ERBIN: variants seen among roughly 807,000 people sequenced by gnomAD.
The protein encoded by ERBIN is erbb2 interacting protein.
ERBIN carries 60 observed loss-of-function variants against 158.4 expected under a neutral mutation model. The observed-to-expected ratio is 0.38, with a 90% CI of 0.31 to 0.47. ERBIN has a LOEUF of 0.47. ERBIN is among the 20% of genes least tolerant of loss of function. The pLI, the probability that ERBIN is intolerant of heterozygous loss-of-function variation, is 0.99. For missense variants in ERBIN, 1,610 were observed against 1,648.0 expected, an observed-to-expected ratio of 0.98 and a Z score of 0.40; for synonymous variants, 594 against 557.2, an observed-to-expected ratio of 1.07 and a Z score of -0.93.
intron 1 of ERBIN, among the ~76,000 whole-genome samples, chr5:65,965,847 C>T (rs936624841): frequency 1.3e-5 from 2 of 152,094 alleles, no homozygotes; most frequent in Non-Finnish European, 2.9e-5. Flanking sequence ...TTTTTTCCTT[C>T]TTGGAATGTA....
rs766481411 is a variant in ERBIN at position 66,080,808 on chromosome 5, T to G, written c.*2278T>G. ...AGTATTATAAATGCAACAGATGTTA[T>G]ATGCACTGGCATTTTATCCTACTCT... On this transcript the variant is annotated 3_prime_UTR_variant, in exon 26 of 26. Transcript: ENST00000284037. 6.6e-6 allele frequency: 1 copy of G among 152,094 alleles called. No individual in the cohort carries two copies. 9.4% of individuals were successfully genotyped at this position (152,094 alleles called of 1,614,324 possible).
intron 1 of ERBIN, among the ~76,000 whole-genome samples, chr5:65,971,737 T>G (rs1418821380): frequency 3.3e-5 from 5 of 152,222 alleles, no homozygotes; most frequent in Non-Finnish European, 5.9e-5. Context: ...GATTATGGCT[T>G]CAGATGTTAC....
chr5:65,988,323 T>C (rs1026820440), intron 1 of ERBIN, among the ~76,000 whole-genome samples: 1 of 151,680 alleles, frequency 6.6e-6, no homozygotes, highest in Non-Finnish European at 1.5e-5. Context: ...CAGTCAGTCA[T>C]GTTTGTGCCA....
chr5:65,949,349 T>C (rs1417479494), intron 1 of ERBIN, among the ~76,000 whole-genome samples: 2 of 152,088 alleles, frequency 1.3e-5, no homozygotes, highest in African/African-American at 4.8e-5. Flanking sequence ...AAATACTGAG[T>C]CCCAGTCCCA....
At chr5:66,074,949 C>T (rs1761853917) in intron 22 of ERBIN, 75 bp from the exon 23 acceptor site, 3 of 1,352,074 alleles carry the variant, frequency 2.2e-6, no homozygotes. Flanking sequence ...TTTTGTAATG[C>T]TCCAAGAAGA....
chr5:66,050,148 A>AAAGT (rs1477159689), intron 19 of ERBIN, among the ~76,000 whole-genome samples: 4 of 151,976 alleles, frequency 2.6e-5, no homozygotes, highest in Non-Finnish European at 5.9e-5. Flanking sequence ...AAATGGGTGA[A>AAAGT]AAGTATATTC....
At chr5:65,945,918 T>C (rs1361089628) in intron 1 of ERBIN, among the ~76,000 whole-genome samples, 1 of 152,218 alleles carries the variant, frequency 6.6e-6, no homozygotes, top group Non-Finnish European at 1.5e-5. Context: ...ACAACCAGGA[T>C]ATTGGAATTT....
At chr5:66,051,699 C>T (rs1438524555) in intron 20 of ERBIN, among the ~76,000 whole-genome samples, 2 of 151,788 alleles carry the variant, frequency 1.3e-5, no homozygotes, top group African/African-American at 4.8e-5. Context: ...CGAGACCAGC[C>T]TTGGCAACAT....
intron 1 of ERBIN, among the ~76,000 whole-genome samples, chr5:65,976,906 A>G (rs1199526005): frequency 1.3e-5 from 2 of 151,536 alleles, no homozygotes; most frequent in Admixed American, 6.6e-5. Flanking sequence ...AAAGTCTCCC[A>G]TGTCTACCTC....
intron 1 of ERBIN, among the ~76,000 whole-genome samples, chr5:65,983,370 C>G (rs914543445): frequency 6.6e-6 from 1 of 152,098 alleles, no homozygotes; most frequent in African/African-American, 2.4e-5. Flanking sequence ...TATAAATGCT[C>G]TTACACAGCG....
intron 14 of ERBIN, among the ~76,000 whole-genome samples, chr5:66,032,258 A>AT (rs1042734952): frequency 3.9e-5 from 6 of 152,266 alleles, no homozygotes; most frequent in African/African-American, 1.2e-4. Flanking sequence ...GGCAAATAAG[A>AT]TTTTTTAAAA....
chr5:66,028,247 AT>A (rs1274301963), intron 13 of ERBIN, 26 bp from the exon 14 acceptor site: 1 of 1,557,526 alleles, frequency 6.4e-7, no homozygotes, highest in Non-Finnish European at 8.8e-7. Context: ...TTAAAGTTTA[AT>A]TTTTGTTTGT....
intron 17 of ERBIN, among the ~76,000 whole-genome samples, chr5:66,044,930 A>G (rs1758277847): frequency 6.6e-6 from 1 of 152,098 alleles, no homozygotes; most frequent in South Asian, 2.1e-4. Context: ...AAAAAAAAAA[A>G]TTAGCTGGGC....
At chr5:65,929,030 A>G (rs1743029848) in intron 1 of ERBIN, among the ~76,000 whole-genome samples, 1 of 152,236 alleles carries the variant, frequency 6.6e-6, no homozygotes, top group Admixed American at 6.5e-5. Flanking sequence ...ATGAATTTTC[A>G]GGACTTCAAC....
chr5:65,942,487 T>A (rs1247032225), intron 1 of ERBIN, among the ~76,000 whole-genome samples: 1 of 152,262 alleles, frequency 6.6e-6, no homozygotes, highest in African/African-American at 2.4e-5. Context: ...CAGTTTGTTA[T>A]AGATGATTAT....
At chr5:66,051,058 ATAT>A in intron 20 of ERBIN, 92 bp downstream of exon 20, 1 of 782,542 alleles carries the variant, frequency 1.3e-6, no homozygotes, top group African/African-American at 1.9e-5. Flanking sequence ...GGTTTAATAA[ATAT>A]TATAGAAGTG....
intron 1 of ERBIN, among the ~76,000 whole-genome samples, chr5:65,962,539 G>C (rs1748038036): frequency 6.6e-6 from 1 of 151,940 alleles, no homozygotes; most frequent in Non-Finnish European, 1.5e-5. Flanking sequence ...GTTAAATAAT[G>C]GTATATTTAT....
chr5:66,030,896 T>C (rs892916750), intron 14 of ERBIN, among the ~76,000 whole-genome samples: 2 of 152,078 alleles, frequency 1.3e-5, no homozygotes, highest in African/African-American at 4.8e-5. Context: ...GTGGATAAAT[T>C]AATGCCAGCA....
intron 14 of ERBIN, among the ~76,000 whole-genome samples, chr5:66,028,748 C>T (rs970844221): frequency 7.9e-5 from 12 of 152,052 alleles, no homozygotes; most frequent in African/African-American, 2.9e-4. Flanking sequence ...TGAACTTATT[C>T]CTCCTAACTT....
Sources: gnomAD v4.1 joint callset for allele counts (sites outside exome capture counted in the v4.1 genomes callset) on GRCh38, gnomAD v4.1.1 for gene constraint, MANE v1.5 for transcripts, NCBI Gene and HGNC (gene_info 2026-07-23, HGNC 2026-07-21) for gene names.